The following COMMD1 variants were observed in gnomAD, a reference collection of about 807,000 sequenced individuals.
COMMD1 encodes the protein COMM domain-containing protein 1.
COMMD1 carries 10 observed loss-of-function variants against 17.2 expected under a neutral mutation model. That is an observed-to-expected ratio of 0.58 (90% confidence interval 0.36 to 0.99). The LOEUF (loss-of-function observed/expected upper bound fraction) is 0.99. Among genes scored for constraint, COMMD1 ranks in the 50% least tolerant of loss-of-function variants. The pLI is 0.01. For synonymous variants in COMMD1, 97 were observed against 91.6 expected, an observed-to-expected ratio of 1.06 and a Z score of -0.34; for missense variants, 270 against 231.8, an observed-to-expected ratio of 1.17 and a Z score of -1.07.
At chr2:62,057,513 ACT>A (rs1670740812) in intron 2 of COMMD1, among the ~76,000 whole-genome samples, 1 of 152,134 alleles carries the variant, frequency 6.6e-6, no homozygotes, top group Non-Finnish European at 1.5e-5. Context: ...CTCTTTGAGT[ACT>A]GTTTTAAAAT....
chr2:62,065,449 G>A (rs1005488546), intron 2 of COMMD1, among the ~76,000 whole-genome samples: 2 of 144,996 alleles, frequency 1.4e-5, no homozygotes, highest in African/African-American at 2.5e-5. Flanking sequence ...TCAGCCTCCT[G>A]AGTGGCTGGA....
In COMMD1 at chr2:62,066,349, A is replaced by G. The variant is rs571669763; in HGVS notation, c.462+65367A>G. On this transcript the variant is annotated intron_variant, in intron 2 of 2. Coordinates refer to ENST00000311832, the MANE Select transcript of COMMD1 (RefSeq NM_152516.4). ...GGCAAAGTGATAATGAAAATGCCTA[A>G]ACTCCCAGGGAAAAATGAGGGGAAA... Among the ~76,000 whole-genome samples the G allele has an allele frequency of 4.7e-4, 71 of 152,242 alleles. 1 individual carries two copies. Among genetic ancestry groups the G allele is most frequent in the South Asian group, 4.6e-3 (22 of 4,822 alleles).
At chr2:61,937,195 C>G (rs919295908) in intron 1 of COMMD1, among the ~76,000 whole-genome samples, 24 of 152,168 alleles carry the variant, frequency 1.6e-4, no homozygotes, top group African/African-American at 5.3e-4. Flanking sequence ...ATCAGACTTA[C>G]AGTCTGCATT....
At chr2:62,080,713 G>A (rs1249353166) in intron 2 of COMMD1, among the ~76,000 whole-genome samples, 1 of 151,374 alleles carries the variant, frequency 6.6e-6, no homozygotes, top group East Asian at 1.9e-4. Context: ...ACCAATATTA[G>A]TATTCTTTGA....
chr2:61,906,601 ACT>A (rs1395144461), intron 1 of COMMD1, among the ~76,000 whole-genome samples: 2 of 148,744 alleles, frequency 1.3e-5, no homozygotes, highest in Admixed American at 1.3e-4. Flanking sequence ...ATATTGGACA[ACT>A]CTATTTAGAC....
At chr2:61,942,532 T>C (rs553042461) in intron 1 of COMMD1, among the ~76,000 whole-genome samples, 5 of 149,470 alleles carry the variant, frequency 3.3e-5, no homozygotes, top group African/African-American at 4.9e-5. Flanking sequence ...TGAGCCACTG[T>C]GCCTGGCCTT....
chr2:61,888,669 G>T (rs1418737765), upstream of COMMD1: 5 of 791,690 alleles, frequency 6.3e-6, no homozygotes, highest in Non-Finnish European at 9.6e-6. Context: ...GGCCTTCCTT[G>T]CCGCGCGGCG....
intron 1 of COMMD1, among the ~76,000 whole-genome samples, chr2:61,963,597 G>C (rs571130792): frequency 6.6e-6 from 1 of 152,234 alleles, no homozygotes; most frequent in Non-Finnish European, 1.5e-5. Context: ...GCCCGCCTCG[G>C]CCTCCCAAAG....
intron 2 of COMMD1, among the ~76,000 whole-genome samples, chr2:62,080,590 C>A (rs1013622423): frequency 2.0e-5 from 3 of 152,144 alleles, no homozygotes; most frequent in African/African-American, 7.2e-5. Context: ...AAAGAACTCT[C>A]AAGTAAATTT....
intron 1 of COMMD1, among the ~76,000 whole-genome samples, chr2:61,906,687 G>T (rs1426193517): frequency 1.3e-5 from 2 of 151,752 alleles, no homozygotes; most frequent in African/African-American, 4.8e-5. Context: ...GACTTTTATA[G>T]GTCTCCTATG....
intron 1 of COMMD1, among the ~76,000 whole-genome samples, chr2:61,994,972 AG>A (rs942155777): frequency 1.3e-5 from 2 of 152,168 alleles, no homozygotes; most frequent in African/African-American, 4.8e-5. Context: ...AGAAGAGGCA[AG>A]GGGAGGCTTA....
intron 1 of COMMD1, among the ~76,000 whole-genome samples, chr2:61,972,528 G>A (rs892720184): frequency 5.9e-5 from 9 of 152,154 alleles, no homozygotes; most frequent in African/African-American, 1.4e-4. Flanking sequence ...AACCTGACAG[G>A]CACTACCTCA....
At chr2:62,133,952 TG>T (rs1434139453) in intron 2 of COMMD1, among the ~76,000 whole-genome samples, 1 of 152,140 alleles carries the variant, frequency 6.6e-6, no homozygotes, top group African/African-American at 2.4e-5. Context: ...CCACCATGTC[TG>T]GCTTTTTTAA....
At chr2:62,048,995 A>G (rs191169571) in intron 2 of COMMD1, among the ~76,000 whole-genome samples, 162 of 152,276 alleles carry the variant, frequency 1.1e-3, no homozygotes, top group Non-Finnish European at 1.9e-3. Context: ...AATAATTTTT[A>G]GATGTTATTG....
At chr2:61,927,332 A>C (rs768975250) in intron 1 of COMMD1, among the ~76,000 whole-genome samples, 1 of 152,218 alleles carries the variant, frequency 6.6e-6, no homozygotes. Context: ...TTGGAAGGTC[A>C]GATAACAACT....
chr2:62,012,303 ACACACACGTGACC>A (rs1337171306), intron 2 of COMMD1, among the ~76,000 whole-genome samples: 1 of 148,150 alleles, frequency 6.7e-6, no homozygotes, highest in Non-Finnish European at 1.5e-5. Context: ...ACACACACAC[ACACACACGTGACC>A]TTTGGCAGTG....
chr2:61,981,621 C>T (rs530271129), intron 1 of COMMD1, among the ~76,000 whole-genome samples: 2 of 152,254 alleles, frequency 1.3e-5, no homozygotes, highest in African/African-American at 2.4e-5. Context: ...ACTTACAGTT[C>T]CACGTGGCTG....
At chr2:62,005,467 C>G (rs1357449791) in intron 2 of COMMD1, among the ~76,000 whole-genome samples, 2 of 152,084 alleles carry the variant, frequency 1.3e-5, no homozygotes, top group Admixed American at 6.6e-5. Flanking sequence ...GGGCTAATAT[C>G]CAGAATCTAC....
At chr2:61,967,593 A>C (rs1360950281) in intron 1 of COMMD1, among the ~76,000 whole-genome samples, 1 of 152,226 alleles carries the variant, frequency 6.6e-6, no homozygotes, top group Non-Finnish European at 1.5e-5. Context: ...CCTGATACAT[A>C]GTAGGCAGGT....
Sources: gnomAD v4.1 joint callset for allele counts (sites outside exome capture counted in the v4.1 genomes callset) on GRCh38, gnomAD v4.1.1 for gene constraint, MANE v1.5 for transcripts, NCBI Gene and HGNC (gene_info 2026-07-23, HGNC 2026-07-21) for gene names.